ATP7B: variants seen among roughly 807,000 people sequenced by gnomAD.
The protein encoded by ATP7B is ATPase copper transporting beta.
A neutral mutation model predicts 118.9 loss-of-function variants in ATP7B; 113 were observed. That is an observed-to-expected ratio of 0.95 (90% confidence interval 0.82 to 1.11). ATP7B has a LOEUF of 1.11. ATP7B is among the 50% of genes most tolerant of loss of function. The pLI is 0.00. For missense variants in ATP7B, 1,867 were observed against 1,871.4 expected (o/e 1.00, Z 0.04); for synonymous variants, 777 against 727.4 (o/e 1.07, Z -1.10).
chr13:51,953,026 G>A (rs966719926), intron 9 of ATP7B, among the ~76,000 whole-genome samples: 1 of 152,190 alleles, frequency 6.6e-6, no homozygotes, highest in Non-Finnish European at 1.5e-5. Context: ...TTCAATCATG[G>A]CAACCAAAAT....
At chr13:51,982,107 A>G (rs960622896) in intron 1 of ATP7B, among the ~76,000 whole-genome samples, 1 of 152,084 alleles carries the variant, frequency 6.6e-6, no homozygotes, top group African/African-American at 2.4e-5. Flanking sequence ...AGGAAAGTCA[A>G]AAGTTTGGAC....
At position 51,958,423 on chromosome 13, in the gene ATP7B, A is replaced by G; in HGVS notation, c.2243T>C (p.Leu748Pro). 6.2e-7 allele frequency: 1 copy of G among 1,614,202 alleles called. No homozygotes were observed. Among genetic ancestry groups the G allele is most frequent in the Non-Finnish European group, 8.5e-7 (1 of 1,180,022 alleles). The change falls in exon 8 of 21, where the codon CTG becomes CCG. Residue 748 changes from leucine to proline, a missense_variant. Coordinates refer to ENST00000242839, the MANE Select transcript of ATP7B (RefSeq NM_000053.4). ...CGCCTTCTCAGCCACAGCAACCACC[A>G]GGATGACCAGAGAATAAACATAAGC... Reference protein sequence around the residue: ...SIAYVYSLVILVVAVAEKAER... With the variant: ...SIAYVYSLVIPVVAVAEKAER...
chr13:51,952,725 A>C (rs1471866997), intron 9 of ATP7B, among the ~76,000 whole-genome samples: 1 of 152,226 alleles, frequency 6.6e-6, no homozygotes, highest in Non-Finnish European at 1.5e-5. Context: ...CTTTGTAAAA[A>C]TTGTTCAGGA....
chr13:52,005,473 A>G (rs1029480744), intron 1 of ATP7B, among the ~76,000 whole-genome samples: 1 of 152,212 alleles, frequency 6.6e-6, no homozygotes, highest in Non-Finnish European at 1.5e-5. Context: ...ATAAAAACAG[A>G]ATGGGCTTTT....
At chr13:51,982,224 C>A (rs1299554844) in intron 1 of ATP7B, among the ~76,000 whole-genome samples, 1 of 152,092 alleles carries the variant, frequency 6.6e-6, no homozygotes, top group African/African-American at 2.4e-5. Flanking sequence ...ATTGATGACA[C>A]TTTTGTAAAT....
chr13:51,977,252 G>A (rs566715107), intron 1 of ATP7B, among the ~76,000 whole-genome samples: 21 of 142,856 alleles, frequency 1.5e-4, no homozygotes, highest in Admixed American at 9.7e-4. Context: ...TTTTACTTTC[G>A]ACTCTTTTGT....
chr13:51,994,729 T>C (rs1593851531), intron 1 of ATP7B, among the ~76,000 whole-genome samples: 2 of 152,234 alleles, frequency 1.3e-5, no homozygotes, highest in East Asian at 3.8e-4. Flanking sequence ...GGAAGCAAAG[T>C]ACTTATGAAA....
intron 14 of ATP7B, among the ~76,000 whole-genome samples, chr13:51,943,683 T>C (rs1395423183): frequency 6.6e-6 from 1 of 152,100 alleles, no homozygotes; most frequent in Non-Finnish European, 1.5e-5. Flanking sequence ...CCTCTGCTGG[T>C]TCCTCTCTGT....
At chr13:51,970,806 G>T in intron 2 of ATP7B, 57 bp from the exon 3 acceptor site, 10 of 1,585,112 alleles carry the variant, frequency 6.3e-6, no homozygotes, top group Non-Finnish European at 8.6e-6. Context: ...ATGTTTTTCA[G>T]AACAAGAGGT....
At chr13:51,965,664 T>C (rs1332220244) in intron 4 of ATP7B, among the ~76,000 whole-genome samples, 1 of 152,144 alleles carries the variant, frequency 6.6e-6, no homozygotes, top group Non-Finnish European at 1.5e-5. Flanking sequence ...ACAGGCAGGA[T>C]AGCATGATGT....
intron 1 of ATP7B, among the ~76,000 whole-genome samples, chr13:51,983,938 A>G (rs978045893): frequency 6.6e-6 from 1 of 152,160 alleles, no homozygotes; most frequent in South Asian, 2.1e-4. Flanking sequence ...AGGTAGATAA[A>G]TCCATGAAGA....
At chr13:51,953,640 G>C (rs1382288371) in intron 9 of ATP7B, among the ~76,000 whole-genome samples, 1 of 152,064 alleles carries the variant, frequency 6.6e-6, no homozygotes, top group Non-Finnish European at 1.5e-5. Context: ...TCCAAGTGCT[G>C]AGCGATAGGA....
At chr13:51,942,273 T>C in intron 15 of ATP7B, 113 bp downstream of exon 15, 6 of 1,524,480 alleles carry the variant, frequency 3.9e-6, no homozygotes, top group Non-Finnish European at 5.4e-6. Context: ...TTGGGTGCCT[T>C]AGCCATGAAC....
At chr13:51,952,711 T>C (rs1251764781) in intron 9 of ATP7B, among the ~76,000 whole-genome samples, 1 of 152,244 alleles carries the variant, frequency 6.6e-6, no homozygotes, top group Non-Finnish European at 1.5e-5. Context: ...GCATCATTAT[T>C]TTCCTTTGTA....
chr13:51,954,308 A>C (rs1324032769), intron 9 of ATP7B, among the ~76,000 whole-genome samples: 1 of 152,242 alleles, frequency 6.6e-6, no homozygotes, highest in Non-Finnish European at 1.5e-5. Context: ...ATGCAGGCGG[A>C]TGCCGGGCCT....
rs1209405638 is a variant in ATP7B, at chr13:51,941,260, C to T, written c.3413-36G>A. On this transcript the variant is annotated intron_variant, in intron 15 of 20. Transcript: ENST00000242839. Reference sequence around the variant, plus strand: ...GAGGCTGTGGTTATTTCTAAATGGTCCAATTTCACTGTGAACTAAAAACCA... The same window carrying T: ...GAGGCTGTGGTTATTTCTAAATGGTTCAATTTCACTGTGAACTAAAAACCA... 2.5e-6 allele frequency: 4 copies of T among 1,611,310 alleles called. No homozygotes were observed. In the East Asian group the frequency reaches 8.9e-5, roughly 36 times the overall value.
chr13:51,941,218 A>G lies in ATP7B; in HGVS notation c.3419T>C (p.Val1140Ala), dbSNP rs1801249. 933,695 of 1,613,484 alleles carry G rather than the reference A, an allele frequency of 0.58. 271,848 individuals carry two copies. Among genetic ancestry groups the G allele is most frequent in the Middle Eastern group, 0.63 (3,840 of 6,060 alleles). Reference protein sequence around the residue: ...AGSLPAEKDAVPQTFSVLIGN... With the variant: ...AGSLPAEKDAAPQTFSVLIGN... ...AATCAGCACAGAGAAGGTCTGGGGG[A>G]CTGCATCTATTCAAAAGAGGCTGTG... Residue 1140 changes from valine (V) to alanine (A), a missense_variant, in exon 16 of 21, where the codon GTC becomes GCC. Coordinates refer to ENST00000242839, the MANE Select transcript of ATP7B (RefSeq NM_000053.4).
intron 16 of ATP7B, among the ~76,000 whole-genome samples, chr13:51,940,280 T>C (rs1413785487): frequency 2.0e-5 from 3 of 146,454 alleles, no homozygotes; most frequent in African/African-American, 7.4e-5. Flanking sequence ...CCCAAAGTGC[T>C]GGGATTACAG....
At chr13:51,945,902 G>T (rs1053452989) in intron 13 of ATP7B, among the ~76,000 whole-genome samples, 4 of 152,186 alleles carry the variant, frequency 2.6e-5, no homozygotes, top group Non-Finnish European at 5.9e-5. Context: ...TAATCCCACA[G>T]ATGTCACGGT....
Sources: allele counts gnomAD v4.1 joint callset (sites outside exome capture counted in the v4.1 genomes callset), GRCh38; gene constraint gnomAD v4.1.1; transcripts MANE v1.5; gene names NCBI Gene and HGNC (gene_info 2026-07-23, HGNC 2026-07-21).